The following MYLK4 variants were observed in gnomAD, a reference collection of about 807,000 sequenced individuals.
The protein encoded by MYLK4 is myosin light chain kinase family member 4.
MYLK4 carries 46 observed loss-of-function variants against 48.1 expected under a neutral mutation model. That is an observed-to-expected ratio of 0.96 (90% CI 0.75 to 1.22). The LOEUF (loss-of-function observed/expected upper bound fraction) is 1.22. MYLK4 is among the 50% of genes most tolerant of loss of function. The pLI is 0.00. For missense variants in MYLK4, 451 were observed against 486.1 expected, an observed-to-expected ratio of 0.93 and a Z score of 0.68; for synonymous variants, 170 against 180.8, an observed-to-expected ratio of 0.94 and a Z score of 0.48.
At chr6:2,705,018 TTCTC>T (rs1457297748) in intron 2 of MYLK4, among the ~76,000 whole-genome samples, 1 of 152,196 alleles carries the variant, frequency 6.6e-6, no homozygotes, top group Non-Finnish European at 1.5e-5. Context: ...AAGACACCGA[TTCTC>T]GGGTGCTTTT....
the MYLK4 span, among the ~76,000 whole-genome samples, chr6:2,764,148 C>T: frequency 1.3e-5 from 2 of 152,234 alleles, no homozygotes; most frequent in African/African-American, 2.4e-5. Context: ...AATGAAAGCT[C>T]ACGATCCTCT....
chr6:2,720,640 C>T (rs976150877), intron 2 of MYLK4, among the ~76,000 whole-genome samples: 7 of 151,810 alleles, frequency 4.6e-5, no homozygotes, highest in Admixed American at 6.6e-5. Flanking sequence ...GAATAGGATT[C>T]GTGTAAAAGA....
At chr6:2,701,840 A>T (rs1476404671) in intron 2 of MYLK4, among the ~76,000 whole-genome samples, 1 of 152,212 alleles carries the variant, frequency 6.6e-6, no homozygotes, top group Non-Finnish European at 1.5e-5. Context: ...TGGTTCCCAT[A>T]CATGTTAGAA....
At chr6:2,680,148 A>G (rs944534599) in intron 8 of MYLK4, 73 bp downstream of exon 8, 4 of 1,512,852 alleles carry the variant, frequency 2.6e-6, no homozygotes, top group Non-Finnish European at 2.7e-6. Flanking sequence ...CAGATCAGAT[A>G]TATGTTTGCA....
chr6:2,739,979 CT>C (rs1763835411), intron 2 of MYLK4, among the ~76,000 whole-genome samples: 1 of 152,216 alleles, frequency 6.6e-6, no homozygotes, highest in Non-Finnish European at 1.5e-5. Flanking sequence ...GGACTGGAAG[CT>C]GCATCTCCTG....
intron 2 of MYLK4, among the ~76,000 whole-genome samples, chr6:2,713,376 A>G (rs895634590): frequency 4.2e-5 from 2 of 47,400 alleles, no homozygotes; most frequent in African/African-American, 1.4e-4. Context: ...CTCCGTCTCA[A>G]AAAAAAAAAA....
At chr6:2,671,411 A>G in intron 11 of MYLK4, 63 bp from the exon 12 acceptor site, 1 of 1,468,280 alleles carries the variant, frequency 6.8e-7, no homozygotes. Context: ...CTGACTTATG[A>G]GCTCACATGA....
Position 2,685,618 on chromosome 6 carries a change from C to A in MYLK4, c.342-42G>T. 1 of 1,593,288 alleles carries A rather than the reference C, an allele frequency of 6.3e-7. No individual in the cohort carries two copies. Among genetic ancestry groups the A allele is most frequent in the South Asian group, 1.1e-5 (1 of 90,366 alleles). Reference sequence around the variant, plus strand: ...GCGGCGTAGCATGAGGCCCTGTGGTCAGCTGCCGAGTGGACAGCGCACAGT... The same window carrying A: ...GCGGCGTAGCATGAGGCCCTGTGGTAAGCTGCCGAGTGGACAGCGCACAGT... On this transcript the variant is annotated intron_variant, in intron 4 of 12. Transcript: ENST00000274643. This position sits in a 1 kb window ranked among gnomAD's most constrained non-coding sequence, Gnocchi z 4.5.
At chr6:2,675,787 T>C (rs1761056779) in intron 10 of MYLK4, among the ~76,000 whole-genome samples, 1 of 152,138 alleles carries the variant, frequency 6.6e-6, no homozygotes, top group African/African-American at 2.4e-5. Flanking sequence ...TTAAAACAAA[T>C]AACCTTTCAA....
chr6:2,675,623 G>A (rs954820287), intron 10 of MYLK4, among the ~76,000 whole-genome samples: 1 of 152,036 alleles, frequency 6.6e-6, no homozygotes, highest in African/African-American at 2.4e-5. Context: ...TTAAGAGAGG[G>A]ACCATTAGAT....
At position 2,664,045 on chromosome 6, in the gene MYLK4, G is replaced by C. The variant is rs1349801901; in HGVS notation, c.*3880C>G. The stretch of plus-strand genomic sequence containing the variant: ...ATAGAACACTTCTAACTGAGAAACT[G>C]CAGACTCCAAGCTATGTGAGGAAGT... On this transcript the variant is annotated 3_prime_UTR_variant, in exon 13 of 13. Transcript: ENST00000274643. 6.6e-6 allele frequency: 1 copy of C among 152,200 alleles called. No individual in the cohort carries two copies. Among genetic ancestry groups the C allele is most frequent in the Non-Finnish European group, 1.5e-5 (1 of 68,050 alleles). The allele number at this position is 152,200 out of a possible 1,614,324, so 9.4% of individuals were successfully genotyped here. A position where few individuals can be genotyped will look rare whatever the true frequency, so the allele number is the denominator to read the frequency against.
intron 2 of MYLK4, among the ~76,000 whole-genome samples, chr6:2,742,318 T>C (rs1295151998): frequency 1.3e-5 from 2 of 152,202 alleles, no homozygotes; most frequent in African/African-American, 2.4e-5. Flanking sequence ...TGGTGGCTTC[T>C]TGTTGAATAA....
intron 3 of MYLK4, among the ~76,000 whole-genome samples, chr6:2,690,821 A>ATTT (rs1561842811): frequency 1.6e-5 from 2 of 127,810 alleles, no homozygotes; most frequent in African/African-American, 3.2e-5. Context: ...ATCTCTCTGA[A>ATTT]TCTTTTTTTT....
chr6:2,766,515 C>T, the MYLK4 span: 1 of 1,429,824 alleles, frequency 7.0e-7, no homozygotes, highest in Non-Finnish European at 9.3e-7. Flanking sequence ...GTCGGAGAGC[C>T]GGGTGTGCTG....
intron 3 of MYLK4, among the ~76,000 whole-genome samples, chr6:2,692,300 G>A (rs1456086079): frequency 1.3e-5 from 2 of 152,076 alleles, no homozygotes; most frequent in African/African-American, 4.8e-5. Context: ...ACTTTGTCTT[G>A]TCTTTTTGTG....
chr6:2,674,577 A>T (rs1201220453), intron 11 of MYLK4, among the ~76,000 whole-genome samples: 1 of 152,252 alleles, frequency 6.6e-6, no homozygotes, highest in African/African-American at 2.4e-5. Flanking sequence ...TAAACTGCTC[A>T]AAAAAGCATT....
chr6:2,733,442 A>T (rs542326161), intron 2 of MYLK4, among the ~76,000 whole-genome samples: 1 of 152,282 alleles, frequency 6.6e-6, no homozygotes, highest in East Asian at 1.9e-4. Flanking sequence ...AGGAGCTAGA[A>T]ACTCAATGGT....
chr6:2,681,354 A>G (rs1561835204), intron 7 of MYLK4, among the ~76,000 whole-genome samples: 1 of 152,206 alleles, frequency 6.6e-6, no homozygotes, highest in Non-Finnish European at 1.5e-5. Flanking sequence ...ATATCTTTGG[A>G]AGCCCTTTTC....
At chr6:2,765,631 G>A in the MYLK4 span, 2 of 1,535,674 alleles carry the variant, frequency 1.3e-6, no homozygotes, top group Non-Finnish European at 1.7e-6. Flanking sequence ...CCATGGAGGT[G>A]AGCGGGCCGG....
Sources: allele counts gnomAD v4.1 joint callset (sites outside exome capture counted in the v4.1 genomes callset), GRCh38; gene constraint gnomAD v4.1.1; non-coding constraint Gnocchi (gnomAD v3.1); transcripts MANE v1.5; gene names NCBI Gene and HGNC (gene_info 2026-07-23, HGNC 2026-07-21).